The following MYO1D variants were observed in gnomAD, a reference collection of about 807,000 sequenced individuals.
MYO1D encodes the protein myosin ID.
A neutral mutation model predicts 122.0 loss-of-function variants in MYO1D; 83 were observed. That is an observed-to-expected ratio of 0.68 (90% CI 0.57 to 0.82). The LOEUF is 0.82. MYO1D is among the 40% of genes least tolerant of loss of function. MYO1D has a pLI of 0.00. For missense variants in MYO1D, 1,157 were observed against 1,269.5 expected, an observed-to-expected ratio of 0.91 and a Z score of 1.35; for synonymous variants, 464 against 446.9, an observed-to-expected ratio of 1.04 and a Z score of -0.48.
intron 19 of MYO1D, 44 bp downstream of exon 19, chr17:32,653,799 T>G (rs2088432864): frequency 2.0e-6 from 3 of 1,520,436 alleles, no homozygotes. Context: ...TTCATCTGAA[T>G]CAGTCTTTCC....
intron 16 of MYO1D, among the ~76,000 whole-genome samples, chr17:32,671,842 G>A (rs974861252): frequency 2.0e-5 from 3 of 152,134 alleles, no homozygotes; most frequent in African/African-American, 7.2e-5. Flanking sequence ...TGGAGCCTGA[G>A]GCAAAAGGAA....
intron 4 of MYO1D, among the ~76,000 whole-genome samples, chr17:32,773,232 C>T (rs1260562684): frequency 1.3e-5 from 2 of 152,224 alleles, no homozygotes; most frequent in Non-Finnish European, 2.9e-5. Flanking sequence ...CAACCTCTTT[C>T]TCCTTTCAAT....
rs536867197 is a variant in MYO1D at position 32,724,497 on chromosome 17, A to C, written c.1747-3308T>G. Among the ~76,000 whole-genome samples, 9 of 152,352 alleles carry C rather than the reference A, an allele frequency of 5.9e-5. No individual in the cohort carries two copies. In the East Asian group the frequency reaches 1.5e-3, roughly 26 times the overall value. ...GATCTAACAACACAGTGGAGAATTT[A>C]CTGGGTCAGAATCCAGGAGAGGAAG... On this transcript the variant is annotated intron_variant, in intron 14 of 21. Transcript: ENST00000318217.
At chr17:32,825,665 G>A (rs1056343266) in intron 1 of MYO1D, among the ~76,000 whole-genome samples, 1 of 152,028 alleles carries the variant, frequency 6.6e-6, no homozygotes, top group African/African-American at 2.4e-5. Flanking sequence ...TTAATTGATG[G>A]GCATGACAGA....
chr17:32,708,330 ACTTCTGGAT>A (rs1293369086), intron 16 of MYO1D, among the ~76,000 whole-genome samples: 3 of 152,168 alleles, frequency 2.0e-5, no homozygotes, highest in Non-Finnish European at 4.4e-5. Flanking sequence ...TAATGATGTT[ACTTCTGGAT>A]GGTGGGGTTT....
intron 21 of MYO1D, among the ~76,000 whole-genome samples, chr17:32,587,011 C>A (rs1271082438): frequency 6.6e-6 from 1 of 152,162 alleles, no homozygotes; most frequent in Non-Finnish European, 1.5e-5. Flanking sequence ...AAACAAGTTT[C>A]TTTAACATGA....
At chr17:32,702,568 T>A (rs2150981513) in intron 16 of MYO1D, among the ~76,000 whole-genome samples, 1 of 152,264 alleles carries the variant, frequency 6.6e-6, no homozygotes, top group South Asian at 2.1e-4. Context: ...CATTCCTTTG[T>A]CCCTCCTCGC....
chr17:32,566,117 T>A (rs617201), intron 21 of MYO1D, among the ~76,000 whole-genome samples: 66,346 of 151,820 alleles, frequency 0.44, 14,758 homozygotes, highest in East Asian at 0.56. Flanking sequence ...ATAGTTCCTG[T>A]GCTTCTAGAC....
chr17:32,713,810 G>C (rs1478636902), intron 15 of MYO1D, among the ~76,000 whole-genome samples: 1 of 152,072 alleles, frequency 6.6e-6, no homozygotes, highest in Non-Finnish European at 1.5e-5. Context: ...TAACAGTAGA[G>C]ATGGGGTTTT....
chr17:32,802,243 T>A (rs1295228454), intron 1 of MYO1D, among the ~76,000 whole-genome samples: 1 of 152,222 alleles, frequency 6.6e-6, no homozygotes, highest in African/African-American at 2.4e-5. Flanking sequence ...TATGTATATA[T>A]TTTGCTAATA....
At chr17:32,698,394 CTTTT>C (rs541546243) in intron 16 of MYO1D, among the ~76,000 whole-genome samples, 20 of 109,434 alleles carry the variant, frequency 1.8e-4, no homozygotes, top group Admixed American at 7.4e-4. Flanking sequence ...TCCTTCTTTT[CTTTT>C]TTAAGGACAA....
chr17:32,532,280 C>A lies in MYO1D; in HGVS notation c.2865-37365G>T, dbSNP rs1910527865. On this transcript the variant is annotated intron_variant, in intron 21 of 21. Coordinates refer to ENST00000318217, the MANE Select transcript of MYO1D (RefSeq NM_015194.3). ...TGATCTGCTTTCTTTTGAACTTCTA[C>A]ACAAGTTTATATCTGCCGCCTCAAG... 2.0e-5 allele frequency among the ~76,000 whole-genome samples: 3 copies of A among 152,242 alleles called. No homozygotes were observed. The South Asian group carries it at 6.2e-4, about 31-fold the overall frequency.
chr17:32,816,290 G>C (rs905727771), intron 1 of MYO1D, among the ~76,000 whole-genome samples: 1 of 152,120 alleles, frequency 6.6e-6, no homozygotes, highest in African/African-American at 2.4e-5. Flanking sequence ...AGGTCACAGT[G>C]CTAACACTGT....
chr17:32,697,663 G>T (rs1001536536), intron 16 of MYO1D, among the ~76,000 whole-genome samples: 2 of 150,746 alleles, frequency 1.3e-5, no homozygotes, highest in Non-Finnish European at 2.9e-5. Flanking sequence ...AAAAGTCATC[G>T]ATCACTTTTT....
intron 10 of MYO1D, among the ~76,000 whole-genome samples, chr17:32,757,047 T>C (rs923394856): frequency 2.6e-5 from 4 of 152,314 alleles, no homozygotes; most frequent in African/African-American, 7.2e-5. Context: ...CCTAAACTGA[T>C]TGCTGTCTCC....
intron 17 of MYO1D, among the ~76,000 whole-genome samples, chr17:32,657,640 A>G (rs2083459088): frequency 6.6e-6 from 1 of 152,252 alleles, no homozygotes; most frequent in Non-Finnish European, 1.5e-5. Flanking sequence ...TTCAAATGCC[A>G]TTGATTATAA....
At chr17:32,798,661 C>T (rs1410847318) in intron 1 of MYO1D, among the ~76,000 whole-genome samples, 1 of 152,082 alleles carries the variant, frequency 6.6e-6, no homozygotes. Context: ...CTGGGGCCAT[C>T]AATAATGTCT....
At chr17:32,521,927 C>A (rs1910153173) in intron 21 of MYO1D, among the ~76,000 whole-genome samples, 1 of 151,688 alleles carries the variant, frequency 6.6e-6, no homozygotes, top group Non-Finnish European at 1.5e-5. Context: ...ACCAAAAATA[C>A]AAAAATTAGC....
chr17:32,761,056 T>C (rs368062935), intron 8 of MYO1D, among the ~76,000 whole-genome samples: 37 of 152,174 alleles, frequency 2.4e-4, no homozygotes, highest in African/African-American at 8.7e-4. Context: ...TGATTTCTAA[T>C]GCTAAATGAA....
Sources: gnomAD v4.1 joint callset for allele counts (sites outside exome capture counted in the v4.1 genomes callset) on GRCh38, gnomAD v4.1.1 for gene constraint, MANE v1.5 for transcripts, NCBI Gene and HGNC (gene_info 2026-07-23, HGNC 2026-07-21) for gene names.